Variants in PIKFYVE observed in about 807,000 individuals in gnomAD.
PIKFYVE encodes the protein phosphoinositide kinase, FYVE-type zinc finger containing.
PIKFYVE carries 122 observed loss-of-function variants against 257.9 expected under a neutral mutation model. That is an observed-to-expected ratio of 0.47 (90% CI 0.41 to 0.55). The LOEUF (loss-of-function observed/expected upper bound fraction) is 0.55, where lower values mean the gene tolerates loss of function less well. Ranked by LOEUF, PIKFYVE falls within the 20% of genes least tolerant of loss-of-function variation. The probability of loss-of-function intolerance (pLI) is 0.00; values close to 1 mark genes in which losing one functional copy is unlikely to be tolerated. For missense variants in PIKFYVE, 2,160 were observed against 2,536.6 expected (o/e 0.85, Z 3.19); for synonymous variants, 892 against 868.9 (o/e 1.03, Z -0.47).
chr2:208,296,056 G>A lies in PIKFYVE; in HGVS notation c.912-2585G>A, dbSNP rs375034884. Among the ~76,000 whole-genome samples, 33 of 152,054 alleles carry A rather than the reference G, an allele frequency of 2.2e-4. No homozygotes were observed. The East Asian group carries it at 5.6e-3, about 26-fold the overall frequency. On this transcript the variant is annotated intron_variant, in intron 7 of 41. Coordinates refer to ENST00000264380, the MANE Select transcript of PIKFYVE (RefSeq NM_015040.4). ...GTCTCGCTTTGTTGCCCAGGCTGGA[G>A]TGCAGTGGCGCAATTTCACCTCATT...
chr2:208,312,369 T>G (rs1695029350), intron 13 of PIKFYVE, 74 bp downstream of exon 13: 1 of 1,174,500 alleles, frequency 8.5e-7, no homozygotes, highest in East Asian at 2.5e-5. Context: ...CTTAGCACAT[T>G]GATTAGCACA....
chr2:208,345,329 C>A, intron 33 of PIKFYVE, 135 bp downstream of exon 33: 1 of 757,910 alleles, frequency 1.3e-6, no homozygotes, highest in Non-Finnish European at 2.2e-6. Flanking sequence ...CATATTTCAG[C>A]CAATAATTGA....
At chr2:208,329,205 C>T (rs570286084) in intron 21 of PIKFYVE, among the ~76,000 whole-genome samples, 1 of 152,230 alleles carries the variant, frequency 6.6e-6, no homozygotes, top group African/African-American at 2.4e-5. Flanking sequence ...TGTCTCCATG[C>T]CAGAACATAT....
In PIKFYVE at chr2:208,304,886, C is replaced by G. The variant is rs1167226674; in HGVS notation, c.1509C>G (p.Phe503Leu). 6.2e-7 allele frequency: 1 copy of G among 1,614,160 alleles called. No individual in the cohort carries two copies. Among genetic ancestry groups the G allele is most frequent in the African/African-American group, 1.3e-5 (1 of 75,040 alleles). Residue 503 changes from phenylalanine to leucine, a missense_variant, in exon 12 of 42, where the codon TTC becomes TTG. Physicochemically the swap from Phe to Leu is conservative, Grantham distance 22. Transcript: ENST00000264380. ...GCAAGCGCACATCAGTCAGCAGTTT[C>G]CAGTCCACAGTGGACAGTGACTCAG... ...SPSKRTSVSS[F>L]QSTVDSDSAA...
chr2:208,352,853 GA>G (rs1699901648), intron 39 of PIKFYVE, 71 bp downstream of exon 39: 1 of 1,534,076 alleles, frequency 6.5e-7, no homozygotes. Context: ...TAAATATAGT[GA>G]ATCAGAGAGT....
intron 7 of PIKFYVE, among the ~76,000 whole-genome samples, chr2:208,289,883 G>A (rs943943124): frequency 2.6e-5 from 4 of 152,108 alleles, no homozygotes. Context: ...TTTTTATATT[G>A]TATATACATG....
intron 21 of PIKFYVE, among the ~76,000 whole-genome samples, chr2:208,329,191 G>A (rs1246535419): frequency 1.3e-5 from 2 of 152,074 alleles, no homozygotes; most frequent in African/African-American, 4.8e-5. Context: ...TTGTTTGGGG[G>A]CACTGTCTCC....
At chr2:208,344,604 C>T (rs1173062608) in intron 32 of PIKFYVE, among the ~76,000 whole-genome samples, 1 of 151,798 alleles carries the variant, frequency 6.6e-6, no homozygotes, top group East Asian at 1.9e-4. Context: ...AACAATACAT[C>T]CTAACATGCC....
rs1246930918 is a variant in PIKFYVE, at chr2:208,288,793, G to T, written c.886G>T (p.Ala296Ser). 6.2e-7 allele frequency: 1 copy of T among 1,614,084 alleles called. No individual in the cohort carries two copies. ...STRLVSVQED[A>S]GKSPARNRSA... is the part of the protein sequence containing the mutation. ...AAGACTTGTATCTGTGCAAGAGGAT[G>T]CTGGGAAATCTCCTGCTCGAAATAG... Residue 296 changes from alanine to serine, a missense_variant, in exon 7 of 42, where the codon GCT (alanine) becomes TCT (serine). This residue lies in a region of PIKFYVE where 187 missense variants were observed against 185.6 expected (regional missense o/e 1.01). Transcript: ENST00000264380.
At position 208,298,843 on chromosome 2, in the gene PIKFYVE, GTCTT is replaced by G. The variant is rs764810885; in HGVS notation, c.1050+66_1050+69del. The G allele has an allele frequency of 1.9e-4, 307 of 1,593,976 alleles. No individual in the cohort carries two copies. The Middle Eastern group carries it at 4.3e-3, about 22-fold the overall frequency. On this transcript the variant is annotated intron_variant, in intron 8 of 41. Transcript: ENST00000264380. ...GCATAGAGAATGTTCATGTGACTGAGTCTTTTTTTTTCTTTTTGAGACACGGTCT... is the reference window on the plus strand; with the variant it reads ...GCATAGAGAATGTTCATGTGACTGAGTTTTTTTCTTTTTGAGACACGGTCT...
At chr2:208,350,333 CTTA>C (rs1379190724) in intron 36 of PIKFYVE, among the ~76,000 whole-genome samples, 1 of 151,958 alleles carries the variant, frequency 6.6e-6, no homozygotes, top group Non-Finnish European at 1.5e-5. Context: ...TAAACATTTA[CTTA>C]TTATGTAATC....
At chr2:208,297,563 A>G (rs1454087757) in intron 7 of PIKFYVE, among the ~76,000 whole-genome samples, 1 of 152,164 alleles carries the variant, frequency 6.6e-6, no homozygotes, top group African/African-American at 2.4e-5. Flanking sequence ...TAGGCGAGCT[A>G]CTTTAGGCAG....
Position 208,324,273 on chromosome 2 carries a change from T to G in PIKFYVE, c.2322T>G (p.Asn774Lys). The G allele has an allele frequency of 6.2e-7, 1 of 1,613,966 alleles. No homozygotes were observed. The highest frequency in any genetic ancestry group is 1.7e-5 in the Admixed American group (1 of 60,016). Residue 774 changes from asparagine (N) to lysine (K), a missense_variant, in exon 18 of 42, where the codon AAT becomes AAG. Asn to Lys is a moderately conservative substitution (Grantham distance 94, BLOSUM62 0). Transcript: ENST00000264380. ...AACATGGCATTACTTTGGTCATTAA[T>G]GTAAAGTCAGTGAGTGTTTTTAATT... ...LLEHGITLVI[N>K]VKSQVLERIS...
rs774780108 is a variant in PIKFYVE, at chr2:208,338,490, G to A, written c.4612-18G>A. ...TTTTCATGTTTTCCATAAGAACAAA[G>A]TATTTACTTCTCTACAGATAAGTGC... On this transcript the variant is annotated intron_variant, in intron 28 of 41. Coordinates refer to ENST00000264380, the MANE Select transcript of PIKFYVE (RefSeq NM_015040.4). The A allele has an allele frequency of 1.2e-6, 2 of 1,607,898 alleles. No individual in the cohort carries two copies. Among genetic ancestry groups the A allele is most frequent in the African/African-American group, 1.3e-5 (1 of 74,768 alleles).
chr2:208,313,531 G>C (rs749305394), intron 13 of PIKFYVE, among the ~76,000 whole-genome samples: 2 of 149,126 alleles, frequency 1.3e-5, no homozygotes, highest in Non-Finnish European at 3.0e-5. Context: ...GCTATCATGT[G>C]TTCTTTTGCC....
Position 208,314,421 on chromosome 2 carries a change from G to A in PIKFYVE, c.1824G>A (p.Leu608=). 1 of 1,613,700 alleles carries A rather than the reference G, an allele frequency of 6.2e-7. No homozygotes were observed. Among genetic ancestry groups the A allele is most frequent in the Non-Finnish European group, 8.5e-7 (1 of 1,179,810 alleles). Residue 608 remains leucine (L), a splice_region_variant and synonymous_variant, in exon 14 of 42, where the codon TTG becomes TTA. Transcript: ENST00000264380. ...ENGEKQAMER[L]LSANHNHMMA... ...GGGAGAAACAAGCCATGGAGAGGTT[G>A]CTGTAAGGCAATGAAATTTTTAATT...
chr2:208,278,590 A>G (rs1838794), intron 5 of PIKFYVE, among the ~76,000 whole-genome samples: 146,063 of 152,138 alleles, frequency 0.96, 70,264 homozygotes, highest in East Asian at 1. Context: ...CCCCTTGTCT[A>G]TTGTTGCCAT....
intron 5 of PIKFYVE, among the ~76,000 whole-genome samples, chr2:208,280,034 C>A (rs988045520): frequency 1.3e-5 from 2 of 152,156 alleles, no homozygotes; most frequent in African/African-American, 4.8e-5. Flanking sequence ...ACCTCTAATT[C>A]ATATTTCATA....
chr2:208,314,499 C>G, intron 14 of PIKFYVE, 76 bp downstream of exon 14: 1 of 1,468,074 alleles, frequency 6.8e-7, no homozygotes, highest in Non-Finnish European at 9.3e-7. Flanking sequence ...ATGCATCATT[C>G]CTCTTAAAAA....
Sources: allele counts gnomAD v4.1 joint callset (sites outside exome capture counted in the v4.1 genomes callset), GRCh38; gene constraint gnomAD v4.1.1; regional missense constraint gnomAD v4.1.1; transcripts MANE v1.5; gene names NCBI Gene and HGNC (gene_info 2026-07-23, HGNC 2026-07-21).